The following ACTR3C variants were observed in gnomAD, a reference collection of about 807,000 sequenced individuals.
ACTR3C encodes the protein actin-related protein 3C.
Under a neutral mutation model 26.3 loss-of-function variants are expected in ACTR3C, and 18 were observed. The ratio of observed to expected loss-of-function variants is 0.68; its 90% CI spans 0.47 to 1.01. The LOEUF is 1.01. Among genes scored for constraint, ACTR3C ranks in the 50% least tolerant of loss-of-function variants. The pLI is 0.00. For missense variants in ACTR3C, 184 were observed against 250.7 expected (o/e 0.73, Z 1.80); for synonymous variants, 55 against 94.5 (o/e 0.58, Z 2.42).
the ACTR3C span, among the ~76,000 whole-genome samples, chr7:150,091,623 GAAC>G: frequency 6.4e-5 from 7 of 108,682 alleles, no homozygotes; most frequent in South Asian, 2.6e-3. Context: ...GCTGAAGAGA[GAAC>G]AACAATGGAG....
the ACTR3C span, among the ~76,000 whole-genome samples, chr7:150,143,060 G>T: frequency 6.6e-6 from 1 of 152,082 alleles, no homozygotes; most frequent in African/African-American, 2.4e-5. Context: ...TCGAACTCCT[G>T]TCCTCAAGTG....
At chr7:150,105,293 A>T in the ACTR3C span, among the ~76,000 whole-genome samples, 1 of 151,854 alleles carries the variant, frequency 6.6e-6, no homozygotes, top group African/African-American at 2.4e-5. Context: ...CGTGTTAGAC[A>T]GGATGGTCTC....
At chr7:150,044,639 C>T in the ACTR3C span, 1 of 152,206 alleles carries the variant, frequency 6.6e-6, no homozygotes, top group Non-Finnish European at 1.5e-5. Context: ...GTTAGACTAC[C>T]ATAAATTTTA....
chr7:149,896,311 T>C, the ACTR3C span, among the ~76,000 whole-genome samples: 1 of 152,206 alleles, frequency 6.6e-6, no homozygotes, highest in East Asian at 1.9e-4. Context: ...TATGAAAACC[T>C]AGGTTTGAGC....
chr7:149,973,213 G>T, the ACTR3C span, among the ~76,000 whole-genome samples: 1 of 152,204 alleles, frequency 6.6e-6, no homozygotes, highest in Non-Finnish European at 1.5e-5. Context: ...AAGCACAGAG[G>T]CCCCACCCGG....
the ACTR3C span, among the ~76,000 whole-genome samples, chr7:150,210,448 G>A: frequency 4.7e-5 from 7 of 148,914 alleles, no homozygotes; most frequent in Non-Finnish European, 7.4e-5. Context: ...AGCTTTTTTG[G>A]TAATAGCCCA....
chr7:150,290,400 C>T (rs1171672182), intron 3 of ACTR3C, among the ~76,000 whole-genome samples: 1 of 152,222 alleles, frequency 6.6e-6, no homozygotes, highest in Non-Finnish European at 1.5e-5. Flanking sequence ...GAGCCACAGG[C>T]TTGGACACAC....
chr7:150,135,915 G>C, the ACTR3C span, among the ~76,000 whole-genome samples: 2 of 152,346 alleles, frequency 1.3e-5, no homozygotes, highest in African/African-American at 4.8e-5. Context: ...CCATGGAGAA[G>C]AATGTGGAGC....
the ACTR3C span, among the ~76,000 whole-genome samples, chr7:149,928,352 C>A: frequency 6.7e-6 from 1 of 150,032 alleles, no homozygotes; most frequent in African/African-American, 2.4e-5. Flanking sequence ...ATTAGCCCGC[C>A]AGTGTGCCCG....
chr7:150,163,352 T>TTG, the ACTR3C span, among the ~76,000 whole-genome samples: 25 of 135,456 alleles, frequency 1.8e-4, no homozygotes, highest in South Asian at 2.2e-3. Context: ...ACATATATCC[T>TTG]TGTGTGTGTG....
the ACTR3C span, among the ~76,000 whole-genome samples, chr7:150,213,857 G>T: frequency 7.0e-6 from 1 of 143,416 alleles, no homozygotes; most frequent in Admixed American, 7.1e-5. Context: ...GAAGAGTAGA[G>T]AAAGAACTGA....
chr7:150,136,396 AC>A, the ACTR3C span, among the ~76,000 whole-genome samples: 1 of 152,186 alleles, frequency 6.6e-6, no homozygotes, highest in African/African-American at 2.4e-5. Context: ...CAGGCTGGGC[AC>A]AGTGGCTCAC....
chr7:150,232,110 C>T, the ACTR3C span, among the ~76,000 whole-genome samples: 2 of 152,122 alleles, frequency 1.3e-5, no homozygotes, highest in South Asian at 2.1e-4. Flanking sequence ...ATCCCTTTAT[C>T]GTTATGTAAT....
At chr7:149,914,882 CTTTT>C in the ACTR3C span, among the ~76,000 whole-genome samples, 6 of 131,056 alleles carry the variant, frequency 4.6e-5, no homozygotes, top group African/African-American at 8.4e-5. Flanking sequence ...AAATTTAATT[CTTTT>C]TTTTTTTTTT....
At chr7:150,035,535 T>TC in the ACTR3C span, among the ~76,000 whole-genome samples, 19 of 116,198 alleles carry the variant, frequency 1.6e-4, no homozygotes, top group Non-Finnish European at 2.2e-4. Flanking sequence ...GGGGGGTGCC[T>TC]CCCCCTCCTG....
the ACTR3C span, among the ~76,000 whole-genome samples, chr7:150,122,945 G>A: frequency 2.7e-5 from 4 of 150,436 alleles, no homozygotes; most frequent in Non-Finnish European, 4.4e-5. Context: ...CAGGGACATG[G>A]ATGAAGCTGG....
the ACTR3C span, among the ~76,000 whole-genome samples, chr7:150,151,076 T>A: frequency 8.4e-5 from 9 of 106,968 alleles, no homozygotes; most frequent in African/African-American, 3.1e-4. Context: ...TAATTATTTT[T>A]TGGCTTTTAT....
At chr7:150,011,808 G>A in the ACTR3C span, among the ~76,000 whole-genome samples, 5 of 152,104 alleles carry the variant, frequency 3.3e-5, no homozygotes, top group Non-Finnish European at 5.9e-5. Context: ...TGTTCGTTCA[G>A]CAAACTTTAA....
the ACTR3C span, among the ~76,000 whole-genome samples, chr7:150,135,853 AGAAAAG>A: frequency 0.17 from 26,009 of 150,720 alleles, 3,771 homozygotes; most frequent in African/African-American, 0.4. Context: ...AAGGGAAGAA[AGAAAAG>A]GAAAAGGAAA....
Sources: gnomAD v4.1 joint callset for allele counts (sites outside exome capture counted in the v4.1 genomes callset) on GRCh38, gnomAD v4.1.1 for gene constraint, MANE v1.5 for transcripts, NCBI Gene and HGNC (gene_info 2026-07-23, HGNC 2026-07-21) for gene names.